FILIP1: variants seen among roughly 807,000 people sequenced by gnomAD.
The protein encoded by FILIP1 is filamin A interacting protein 1.
A neutral mutation model predicts 102.1 loss-of-function variants in FILIP1; 61 were observed. That is an observed-to-expected ratio of 0.60 (90% CI 0.49 to 0.74). The LOEUF is 0.74. FILIP1 is among the 30% of genes least tolerant of loss of function. The pLI is 0.00. For synonymous variants in FILIP1, 491 were observed against 526.9 expected (o/e 0.93, Z 0.93); for missense variants, 1,314 against 1,441.2 (o/e 0.91, Z 1.43).
At chr6:75,336,014 A>G (rs979007326) in intron 4 of FILIP1, among the ~76,000 whole-genome samples, 12 of 152,246 alleles carry the variant, frequency 7.9e-5, no homozygotes, top group African/African-American at 2.9e-4. Flanking sequence ...TTTCTGTAAA[A>G]GTTACATAAA....
intron 1 of FILIP1, among the ~76,000 whole-genome samples, chr6:75,423,900 C>T (rs1777552486): frequency 6.6e-6 from 1 of 152,112 alleles, no homozygotes; most frequent in African/African-American, 2.4e-5. Flanking sequence ...ACTTATTTCT[C>T]ATTGGCAAAA....
chr6:75,388,305 C>T (rs892740103), intron 2 of FILIP1, among the ~76,000 whole-genome samples: 3 of 152,146 alleles, frequency 2.0e-5, no homozygotes, highest in Non-Finnish European at 2.9e-5. Context: ...AGTTTGAAGT[C>T]AGATAGCGTG....
intron 2 of FILIP1, among the ~76,000 whole-genome samples, chr6:75,393,446 T>C (rs1776352042): frequency 6.6e-6 from 1 of 152,092 alleles, no homozygotes. Flanking sequence ...GCCAAGTTTT[T>C]AAAAAGTAAA....
At chr6:75,450,777 G>A (rs1392576430) in intron 1 of FILIP1, among the ~76,000 whole-genome samples, 1 of 151,804 alleles carries the variant, frequency 6.6e-6, no homozygotes. Context: ...ACAACATGGA[G>A]AAACCATGTC....
chr6:75,296,184 T>A (rs1457835842), intron 6 of FILIP1, among the ~76,000 whole-genome samples: 1 of 152,130 alleles, frequency 6.6e-6, no homozygotes, highest in African/African-American at 2.4e-5. Flanking sequence ...GTTCTGACAA[T>A]AGTAGATCAG....
At chr6:75,405,088 C>A (rs1370342179) in intron 2 of FILIP1, among the ~76,000 whole-genome samples, 1 of 152,180 alleles carries the variant, frequency 6.6e-6, no homozygotes, top group Non-Finnish European at 1.5e-5. Context: ...TAGGAAATGT[C>A]CCCATTAGAA....
At chr6:75,372,657 GAAAGAAAGAAAGAAAGAA>G (rs1562514442) in intron 2 of FILIP1, among the ~76,000 whole-genome samples, 65 of 58,544 alleles carry the variant, frequency 1.1e-3, no homozygotes, top group Non-Finnish European at 1.8e-3. Context: ...AAGAAAGAAA[GAAAGAAAGAAAGAAAGAA>G]AGAAAGAAAG....
chr6:75,335,086 C>A (rs150015390), intron 4 of FILIP1, among the ~76,000 whole-genome samples: 28 of 152,216 alleles, frequency 1.8e-4, no homozygotes, highest in Admixed American at 1.4e-3. Flanking sequence ...TAGCTAAACT[C>A]TATACAGTTC....
At chr6:75,410,626 C>A (rs1777034017) in intron 2 of FILIP1, among the ~76,000 whole-genome samples, 1 of 152,134 alleles carries the variant, frequency 6.6e-6, no homozygotes, top group African/African-American at 2.4e-5. Context: ...TCAACTCTCA[C>A]TTATGAGTGA....
chr6:75,379,077 G>A (rs941318596), intron 2 of FILIP1, among the ~76,000 whole-genome samples: 12 of 152,252 alleles, frequency 7.9e-5, no homozygotes, highest in African/African-American at 2.9e-4. Flanking sequence ...TTATGAATGA[G>A]AAATCTAGGC....
At chr6:75,440,445 C>T (rs1000194875) in intron 1 of FILIP1, among the ~76,000 whole-genome samples, 2 of 152,136 alleles carry the variant, frequency 1.3e-5, no homozygotes, top group Non-Finnish European at 2.9e-5. Flanking sequence ...CTATGAAGGG[C>T]TTATCGAAGA....
At chr6:75,458,093 T>C (rs1161905464) in intron 1 of FILIP1, 1 of 152,160 alleles carries the variant, frequency 6.6e-6, no homozygotes, top group Admixed American at 6.5e-5. Context: ...TCCAATTAAA[T>C]ACAATAAAAC....
At chr6:75,427,633 G>A (rs570679190) in intron 1 of FILIP1, among the ~76,000 whole-genome samples, 1 of 152,110 alleles carries the variant, frequency 6.6e-6, no homozygotes, top group Admixed American at 6.6e-5. Context: ...GTCTCTCTCT[G>A]CCCCACCTAA....
At chr6:75,374,332 A>C (rs1775677382) in intron 2 of FILIP1, among the ~76,000 whole-genome samples, 1 of 152,196 alleles carries the variant, frequency 6.6e-6, no homozygotes, top group East Asian at 1.9e-4. Flanking sequence ...CTGTACGCAT[A>C]ATCAGCAGAT....
At chr6:75,351,188 T>C (rs1298181916) in intron 4 of FILIP1, among the ~76,000 whole-genome samples, 1 of 152,120 alleles carries the variant, frequency 6.6e-6, no homozygotes, top group Non-Finnish European at 1.5e-5. Context: ...TGCGTCAGGC[T>C]AAGTAGCTGG....
At chr6:75,326,949 ATT>A (rs1773885658) in intron 4 of FILIP1, among the ~76,000 whole-genome samples, 1 of 152,202 alleles carries the variant, frequency 6.6e-6, no homozygotes, top group Non-Finnish European at 1.5e-5. Context: ...GATGACCCCA[ATT>A]ATTAATTAAA....
intron 4 of FILIP1, chr6:75,319,637 T>C: frequency 1.8e-5 from 7 of 399,628 alleles, no homozygotes; most frequent in South Asian, 1.5e-4. Context: ...GAGACCATCC[T>C]GGCTAACACG....
At chr6:75,420,331 A>G (rs1351883244) in intron 1 of FILIP1, among the ~76,000 whole-genome samples, 1 of 152,066 alleles carries the variant, frequency 6.6e-6, no homozygotes, top group Non-Finnish European at 1.5e-5. Flanking sequence ...AGATCAGGGA[A>G]CTGCCATGAA....
At chr6:75,408,587 A>G (rs905273666) in intron 2 of FILIP1, among the ~76,000 whole-genome samples, 3 of 152,222 alleles carry the variant, frequency 2.0e-5, no homozygotes, top group African/African-American at 7.2e-5. Context: ...ACCAGAAAAC[A>G]CATAGAATTG....
Sources: gnomAD v4.1 joint callset for allele counts (sites outside exome capture counted in the v4.1 genomes callset) on GRCh38, gnomAD v4.1.1 for gene constraint, MANE v1.5 for transcripts, NCBI Gene and HGNC (gene_info 2026-07-23, HGNC 2026-07-21) for gene names.